The following TBC1D15 variants were observed in gnomAD, a reference collection of about 807,000 sequenced individuals.
The protein encoded by TBC1D15 is TBC1 domain family member 15, also known as GAP for RAB7.
Under a neutral mutation model 95.4 loss-of-function variants are expected in TBC1D15, and 39 were observed. The ratio of observed to expected loss-of-function variants is 0.41; its 90% CI spans 0.32 to 0.53. The LOEUF (loss-of-function observed/expected upper bound fraction) is 0.53, where lower values mean the gene tolerates loss of function less well. Ranked by LOEUF, TBC1D15 falls within the 20% of genes least tolerant of loss-of-function variation. The pLI, the probability that TBC1D15 is intolerant of heterozygous loss-of-function variation, is 0.29. For missense variants in TBC1D15, 733 were observed against 794.3 expected, an observed-to-expected ratio of 0.92 and a Z score of 0.93; for synonymous variants, 258 against 261.3, an observed-to-expected ratio of 0.99 and a Z score of 0.12.
chr12:71,921,720 C>G (rs1869423970), intron 16 of TBC1D15, among the ~76,000 whole-genome samples: 1 of 152,038 alleles, frequency 6.6e-6, no homozygotes, highest in Admixed American at 6.6e-5. Flanking sequence ...AGAATTTCAG[C>G]AATGATATAT....
intron 3 of TBC1D15, among the ~76,000 whole-genome samples, chr12:71,874,498 A>C (rs1320244895): frequency 6.6e-6 from 1 of 152,078 alleles, no homozygotes; most frequent in Non-Finnish European, 1.5e-5. Flanking sequence ...TTTTTCCTGA[A>C]TATTTTAGAT....
intron 1 of TBC1D15, among the ~76,000 whole-genome samples, chr12:71,864,563 A>G (rs1034031816): frequency 4.0e-5 from 6 of 151,276 alleles, no homozygotes; most frequent in Admixed American, 1.3e-4. Flanking sequence ...GCAGGAGTGC[A>G]GTGGCATGAT....
intron 4 of TBC1D15, among the ~76,000 whole-genome samples, chr12:71,882,327 A>G (rs1895363931): frequency 6.6e-6 from 1 of 152,200 alleles, no homozygotes. Flanking sequence ...CAAGAACATC[A>G]GACTGTCTCA....
At chr12:71,849,362 C>A in intron 1 of TBC1D15, 1 of 1,385,654 alleles carries the variant, frequency 7.2e-7, no homozygotes, top group South Asian at 1.2e-5. Context: ...AGCTGTTGTC[C>A]AAGGAATGAA....
intron 1 of TBC1D15, among the ~76,000 whole-genome samples, chr12:71,856,450 A>G (rs567324379): frequency 4.6e-5 from 7 of 152,008 alleles, no homozygotes; most frequent in Non-Finnish European, 1.0e-4. Flanking sequence ...AGGAGTCTCC[A>G]ACATGTTGCA....
intron 5 of TBC1D15, among the ~76,000 whole-genome samples, chr12:71,891,565 G>A (rs972235855): frequency 6.6e-6 from 1 of 152,136 alleles, no homozygotes; most frequent in African/African-American, 2.4e-5. Flanking sequence ...ACCTAGCGGT[G>A]TAACAGTATA....
chr12:71,871,113 AT>A (rs1419428504), intron 1 of TBC1D15, among the ~76,000 whole-genome samples: 1 of 152,178 alleles, frequency 6.6e-6, no homozygotes, highest in Non-Finnish European at 1.5e-5. Context: ...TGGAATCTCA[AT>A]TTATAACATT....
chr12:71,864,121 G>C (rs996593094), intron 1 of TBC1D15, among the ~76,000 whole-genome samples: 2 of 151,568 alleles, frequency 1.3e-5, no homozygotes, highest in African/African-American at 4.8e-5. Context: ...CCAGGCTAAA[G>C]TGCAATGGCA....
At chr12:71,852,324 T>A (rs1400166698) in intron 1 of TBC1D15, among the ~76,000 whole-genome samples, 1 of 152,212 alleles carries the variant, frequency 6.6e-6, no homozygotes, top group Non-Finnish European at 1.5e-5. Context: ...TTTTCCCTCC[T>A]ATGCGTTGGT....
chr12:71,906,922 A>G (rs1283914072), intron 10 of TBC1D15, 100 bp from the exon 11 acceptor site: 1 of 598,912 alleles, frequency 1.7e-6, no homozygotes, highest in Non-Finnish European at 2.7e-6. Flanking sequence ...GGTGAGTGAA[A>G]TTAATAGCAA....
intron 5 of TBC1D15, among the ~76,000 whole-genome samples, chr12:71,888,270 G>A (rs543629811): frequency 6.6e-6 from 1 of 152,264 alleles, no homozygotes; most frequent in African/African-American, 2.4e-5. Flanking sequence ...GATCACTTGA[G>A]GTCAGGAGTT....
intron 1 of TBC1D15, among the ~76,000 whole-genome samples, chr12:71,864,632 G>A (rs1301134578): frequency 6.6e-6 from 1 of 151,832 alleles, no homozygotes; most frequent in Admixed American, 6.6e-5. Flanking sequence ...TCAGCCTCCC[G>A]GGTAGCTGGG....
intron 11 of TBC1D15, among the ~76,000 whole-genome samples, chr12:71,910,209 C>G (rs1351377350): frequency 6.6e-6 from 1 of 151,860 alleles, no homozygotes; most frequent in Non-Finnish European, 1.5e-5. Flanking sequence ...CTGTTCTGTT[C>G]CATTGATCTA....
At chr12:71,873,401 T>A (rs1893103040) in intron 3 of TBC1D15, among the ~76,000 whole-genome samples, 1 of 152,220 alleles carries the variant, frequency 6.6e-6, no homozygotes, top group South Asian at 2.1e-4. Context: ...ATGGTCCTTT[T>A]GTTTTTGATG....
intron 1 of TBC1D15, chr12:71,861,432 T>C: frequency 6.7e-7 from 1 of 1,500,754 alleles, no homozygotes; most frequent in Non-Finnish European, 8.8e-7. Flanking sequence ...GATTCAATCT[T>C]GATAAGTAGT....
intron 1 of TBC1D15, chr12:71,849,661 C>G (rs966828395): frequency 3.5e-6 from 2 of 564,188 alleles, no homozygotes; most frequent in East Asian, 3.9e-5. Context: ...TAGTAGTTTT[C>G]CATCAGCAAC....
rs556714522 is a variant in TBC1D15 at position 71,889,556 on chromosome 12, A to C, written c.555-3666A>C. Among the ~76,000 whole-genome samples, 8 of 152,140 alleles carry C rather than the reference A, an allele frequency of 5.3e-5. No individual in the cohort carries two copies. The East Asian group carries it at 1.3e-3, about 26-fold the overall frequency. On this transcript the variant is annotated intron_variant, in intron 5 of 16. Coordinates refer to ENST00000485960, the MANE Select transcript of TBC1D15 (RefSeq NM_001146213.3). Reference sequence around the variant, plus strand: ...TAAAGCTATTCCAAGTAGTAGAATAAAGCTATTCCAAGTAAATATTCACCA... The same window carrying C: ...TAAAGCTATTCCAAGTAGTAGAATACAGCTATTCCAAGTAAATATTCACCA...
chr12:71,885,363 T>C (rs1377326389), intron 5 of TBC1D15, among the ~76,000 whole-genome samples: 3 of 152,218 alleles, frequency 2.0e-5, no homozygotes, highest in Non-Finnish European at 4.4e-5. Context: ...AATATACAGT[T>C]TTACTTGTGA....
intron 1 of TBC1D15, among the ~76,000 whole-genome samples, chr12:71,845,161 TTA>T (rs1424434862): frequency 1.3e-5 from 2 of 152,276 alleles, no homozygotes; most frequent in South Asian, 2.1e-4. Context: ...CAGAAATGTT[TTA>T]TGTGTTGGGG....
Sources: allele counts gnomAD v4.1 joint callset (sites outside exome capture counted in the v4.1 genomes callset), GRCh38; gene constraint gnomAD v4.1.1; transcripts MANE v1.5; gene names NCBI Gene and HGNC (gene_info 2026-07-23, HGNC 2026-07-21).